Variants in CCDC43 observed in about 807,000 individuals in gnomAD.
The protein encoded by CCDC43 is coiled-coil domain containing 43.
In CCDC43, 20 loss-of-function variants were observed where a neutral mutation model predicts 33.3. The ratio of observed to expected loss-of-function variants is 0.60; its 90% confidence interval spans 0.42 to 0.87. The LOEUF (loss-of-function observed/expected upper bound fraction) is 0.87, where lower values mean the gene tolerates loss of function less well. Among genes scored for constraint, CCDC43 ranks in the 40% least tolerant of loss-of-function variants. The pLI is 0.00. For synonymous variants in CCDC43, 104 were observed against 106.5 expected (o/e 0.98, Z 0.14); for missense variants, 248 against 269.9 (o/e 0.92, Z 0.57).
chr17:44,682,191 TG>T, intron 2 of CCDC43, 53 bp from the exon 3 acceptor site: 1 of 1,608,150 alleles, frequency 6.2e-7, no homozygotes, highest in Non-Finnish European at 8.5e-7. Context: ...ACAAGCTCAC[TG>T]AACCACTAGT....
At chr17:44,680,828 A>G (rs1469486662) in intron 3 of CCDC43, among the ~76,000 whole-genome samples, 185 bp from the exon 4 acceptor site, 3 of 152,216 alleles carry the variant, frequency 2.0e-5, no homozygotes, top group Non-Finnish European at 4.4e-5. Context: ...TATATCTTCT[A>G]TAAGATCCTT....
rs779131230 is a variant in CCDC43, at chr17:44,689,592, T to A, written c.162A>T (p.Glu54Asp). ...ILGILQEEEE[E>D]EKLDALQGIL... ...TCCCCTGCAGAGCGTCCAGCTTCTC[T>A]TCTTCCTCCTCCTCCTGCAGGATAC... The change falls in exon 1 of 5, where the codon GAA (glutamate) becomes GAT (aspartate). Residue 54 changes from glutamate to aspartate, a missense_variant. Physicochemically the swap from Glu to Asp is conservative, Grantham distance 45. Transcript: ENST00000315286. The A allele has an allele frequency of 1.2e-6, 2 of 1,613,966 alleles. No individual in the cohort carries two copies. The highest frequency in any genetic ancestry group is 1.7e-6 in the Non-Finnish European group (2 of 1,179,882).
chr17:44,689,336 G>A, intron 1 of CCDC43: 1 of 623,598 alleles, frequency 1.6e-6, no homozygotes, highest in Non-Finnish European at 2.7e-6. Flanking sequence ...ATACGAGAAA[G>A]CCCTTCCTCT....
chr17:44,688,753 C>T (rs1972278291), intron 1 of CCDC43, among the ~76,000 whole-genome samples: 5 of 152,174 alleles, frequency 3.3e-5, no homozygotes, highest in Admixed American at 3.3e-4. Context: ...CCAATTTAAT[C>T]TGTAATAACC....
At chr17:44,686,179 C>G (rs1972233005) in intron 1 of CCDC43, among the ~76,000 whole-genome samples, 3 of 152,154 alleles carry the variant, frequency 2.0e-5, no homozygotes, top group Admixed American at 2.0e-4. Flanking sequence ...TCCCAAAGTG[C>G]TGGGATTACA....
chr17:44,680,553 A>G, intron 4 of CCDC43, 32 bp downstream of exon 4: 1 of 1,523,186 alleles, frequency 6.6e-7, no homozygotes, highest in South Asian at 1.1e-5. Context: ...GACTCTATGG[A>G]GAAACACATA....
At chr17:44,684,643 G>A (rs1219052185) in intron 1 of CCDC43, among the ~76,000 whole-genome samples, 4 of 151,538 alleles carry the variant, frequency 2.6e-5, no homozygotes, top group African/African-American at 9.7e-5. Context: ...GTTGTGGTGA[G>A]CCGAGATCAC....
intron 2 of CCDC43, 56 bp downstream of exon 2, chr17:44,683,816 C>G (rs1972195931): frequency 8.4e-7 from 1 of 1,187,830 alleles, no homozygotes; most frequent in Non-Finnish European, 1.3e-6. Context: ...AACAGCTATA[C>G]AGTCAAGGCT....
intron 4 of CCDC43, 96 bp downstream of exon 4, chr17:44,680,488 GA>G: frequency 1.2e-6 from 1 of 832,872 alleles, no homozygotes; most frequent in Non-Finnish European, 2.1e-6. Flanking sequence ...ATGAGTTCCT[GA>G]AGGTAAAGGG....
chr17:44,689,682 G>A lies in CCDC43; in HGVS notation c.72C>T (p.Ser24=). ...EGDGGGGGFG[S]WLDGRLEALG... is the part of the protein sequence containing the mutation. ...GTGCCTCCAACCGTCCGTCCAGCCA[G>A]GAGCCAAAGCCGCCGCCTCCGCCAT... The change falls in exon 1 of 5, where the codon TCC becomes TCT. Residue 24 remains serine (S), a synonymous_variant. Coordinates refer to ENST00000315286, the MANE Select transcript of CCDC43 (RefSeq NM_144609.3). 6.2e-7 allele frequency: 1 copy of A among 1,611,022 alleles called. No homozygotes were observed. The highest frequency in any genetic ancestry group is 8.5e-7 in the Non-Finnish European group (1 of 1,178,840).
chr17:44,687,004 C>G (rs1972245587), intron 1 of CCDC43, among the ~76,000 whole-genome samples: 1 of 152,070 alleles, frequency 6.6e-6, no homozygotes, highest in Non-Finnish European at 1.5e-5. Context: ...AAATCCTAGC[C>G]CAAGTCAGGC....
intron 3 of CCDC43, among the ~76,000 whole-genome samples, chr17:44,680,965 T>C (rs1226053886): frequency 2.0e-5 from 3 of 152,132 alleles, no homozygotes; most frequent in Non-Finnish European, 4.4e-5. Context: ...ATATTAGAAA[T>C]ACACATTCTT....
chr17:44,684,435 C>T (rs989352125), intron 1 of CCDC43, among the ~76,000 whole-genome samples: 4 of 152,046 alleles, frequency 2.6e-5, no homozygotes, highest in African/African-American at 4.8e-5. Flanking sequence ...CAGTGGCTTA[C>T]GCCTGTAATC....
chr17:44,684,069 A>C (rs1322841390), intron 1 of CCDC43, 110 bp from the exon 2 acceptor site: 3 of 719,418 alleles, frequency 4.2e-6, no homozygotes, highest in Admixed American at 2.3e-5. Flanking sequence ...GAAATTATGG[A>C]AGGGTCTGGG....
chr17:44,684,129 T>C (rs1038749331), intron 1 of CCDC43, among the ~76,000 whole-genome samples, 170 bp from the exon 2 acceptor site: 4 of 152,166 alleles, frequency 2.6e-5, no homozygotes, highest in Non-Finnish European at 5.9e-5. Context: ...ACAGAATTGA[T>C]CCTGCTTGTG....
intron 1 of CCDC43, chr17:44,689,330 G>C (rs1972287129): frequency 1.6e-6 from 1 of 609,976 alleles, no homozygotes; most frequent in Non-Finnish European, 2.8e-6. Flanking sequence ...CCAAGAATAC[G>C]AGAAAGCCCT....
rs992679909 is a variant in CCDC43, at chr17:44,677,808, T to A, written c.*1048A>T. 3 of 152,242 alleles carry A rather than the reference T, an allele frequency of 2.0e-5. No individual in the cohort carries two copies. Among genetic ancestry groups the A allele is most frequent in the African/African-American group, 7.2e-5 (3 of 41,470 alleles). 9.4% of individuals were successfully genotyped at this position (152,242 alleles called of 1,614,324 possible). The stretch of plus-strand genomic sequence containing the variant: ...CCAACCCCTGGTATAAAATATCTAC[T>A]TTGTCTTGTCAGAGAAATTGCTGTC... On this transcript the variant is annotated 3_prime_UTR_variant, in exon 5 of 5. Coordinates refer to ENST00000315286, the MANE Select transcript of CCDC43 (RefSeq NM_144609.3).
intron 2 of CCDC43, among the ~76,000 whole-genome samples, chr17:44,682,887 A>G (rs1972183405): frequency 6.6e-6 from 1 of 152,258 alleles, no homozygotes; most frequent in African/African-American, 2.4e-5. Flanking sequence ...ATGCTATAAA[A>G]TAAAATCAAC....
At chr17:44,679,582 C>T (rs1223419306) in intron 4 of CCDC43, among the ~76,000 whole-genome samples, 1 of 152,204 alleles carries the variant, frequency 6.6e-6, no homozygotes, top group Admixed American at 6.5e-5. Context: ...ACCATACACA[C>T]TGAATCTATA....
Sources: gnomAD v4.1 joint callset for allele counts (sites outside exome capture counted in the v4.1 genomes callset) on GRCh38, gnomAD v4.1.1 for gene constraint, MANE v1.5 for transcripts, NCBI Gene and HGNC (gene_info 2026-07-23, HGNC 2026-07-21) for gene names.